NPHP4: variants seen among roughly 807,000 people sequenced by gnomAD.
The protein encoded by NPHP4 is nephrocystin 4, also known as nephrocystin-4.
NPHP4 carries 151 observed loss-of-function variants against 155.8 expected under a neutral mutation model. That is an observed-to-expected ratio of 0.97 (90% CI 0.85 to 1.11). The LOEUF is 1.11. NPHP4 is among the 50% of genes least tolerant of loss of function. NPHP4 has a pLI of 0.00. For synonymous variants in NPHP4, 845 were observed against 816.8 expected (o/e 1.03, Z -0.59); for missense variants, 1,956 against 1,925.7 (o/e 1.02, Z -0.29).
chr1:5,976,311 C>A (rs889808214), intron 3 of NPHP4, among the ~76,000 whole-genome samples: 1 of 152,154 alleles, frequency 6.6e-6, no homozygotes, highest in Non-Finnish European at 1.5e-5. Context: ...CATGAAATGA[C>A]GGCATGCTTC....
intron 11 of NPHP4, among the ~76,000 whole-genome samples, chr1:5,919,227 A>C (rs1012611380): frequency 5.3e-5 from 8 of 152,258 alleles, no homozygotes; most frequent in Non-Finnish European, 8.8e-5. Flanking sequence ...TTGTAGAAAC[A>C]GAAATCCCAA....
At position 5,982,524 on chromosome 1, in the gene NPHP4, C is replaced by T. The variant is rs559449070; in HGVS notation, c.135+3631G>A. On this transcript the variant is annotated intron_variant, in intron 2 of 29. Coordinates refer to ENST00000378156, the MANE Select transcript of NPHP4 (RefSeq NM_015102.5). ...GAATGTGTCGGCACTGTCAAGGAAC[C>T]ATGCATAACTGTATTTACCATTTCC... Among the ~76,000 whole-genome samples, 9 of 152,346 alleles carry T rather than the reference C, an allele frequency of 5.9e-5. No individual in the cohort carries two copies. In the South Asian group the frequency reaches 1.9e-3, roughly 32 times the overall value.
intron 11 of NPHP4, among the ~76,000 whole-genome samples, chr1:5,918,536 T>C (rs1223366889): frequency 6.6e-6 from 1 of 152,068 alleles, no homozygotes; most frequent in Non-Finnish European, 1.5e-5. Context: ...AAGAAAAAAT[T>C]AATAACTTAA....
chr1:5,875,154 A>G, intron 20 of NPHP4, 54 bp from the exon 21 acceptor site: 1 of 1,399,596 alleles, frequency 7.1e-7, no homozygotes, highest in South Asian at 1.2e-5. Flanking sequence ...CTCCTCCACA[A>G]GGGGCTATTG....
chr1:5,960,299 G>A (rs1266926199), intron 6 of NPHP4, among the ~76,000 whole-genome samples: 1 of 152,078 alleles, frequency 6.6e-6, no homozygotes, highest in Non-Finnish European at 1.5e-5. Flanking sequence ...CTCCTCCCTG[G>A]AATGCTGGAA....
chr1:5,960,671 G>A (rs1650146757), intron 6 of NPHP4, among the ~76,000 whole-genome samples: 1 of 151,914 alleles, frequency 6.6e-6, no homozygotes, highest in African/African-American at 2.4e-5. Flanking sequence ...CCTTCTCCTG[G>A]AGTCCTCAAG....
intron 1 of NPHP4, among the ~76,000 whole-genome samples, chr1:5,987,273 T>G (rs572467711): frequency 6.6e-6 from 1 of 152,076 alleles, no homozygotes; most frequent in Non-Finnish European, 1.5e-5. Context: ...GATCTGAACC[T>G]CAAGAAGAGG....
At chr1:5,965,053 C>T (rs987480285) in intron 5 of NPHP4, among the ~76,000 whole-genome samples, 3 of 149,956 alleles carry the variant, frequency 2.0e-5, no homozygotes, top group African/African-American at 7.4e-5. Context: ...CCACCTCAGC[C>T]TCCCAAGTAG....
At chr1:5,871,748 A>T (rs1036904028) in intron 23 of NPHP4, among the ~76,000 whole-genome samples, 6 of 152,208 alleles carry the variant, frequency 3.9e-5, no homozygotes, top group Non-Finnish European at 8.8e-5. Flanking sequence ...GAGCAACTCC[A>T]GAGGCGGAGC....
At chr1:5,943,682 C>T (rs1363156492) in intron 9 of NPHP4, among the ~76,000 whole-genome samples, 1 of 152,172 alleles carries the variant, frequency 6.6e-6, no homozygotes, top group Non-Finnish European at 1.5e-5. Flanking sequence ...AAGTCACTTT[C>T]CAGGGAAAAG....
intron 17 of NPHP4, chr1:5,888,270 T>G: frequency 1.5e-5 from 13 of 873,426 alleles, no homozygotes; most frequent in Non-Finnish European, 1.8e-5. Flanking sequence ...CTGTGAGGCA[T>G]GTGGGGGATG....
intron 17 of NPHP4, among the ~76,000 whole-genome samples, chr1:5,887,705 TGACTG>T (rs1162084192): frequency 2.0e-5 from 3 of 152,224 alleles, no homozygotes; most frequent in Admixed American, 2.0e-4. Flanking sequence ...AAGTAAAGTA[TGACTG>T]GATTTACCCA....
chr1:5,894,555 CAAT>C (rs1644301081), intron 16 of NPHP4, among the ~76,000 whole-genome samples: 1 of 150,888 alleles, frequency 6.6e-6, no homozygotes, highest in African/African-American at 2.4e-5. Context: ...TTTCTGGAAA[CAAT>C]AATAATAATG....
rs148579629 is a variant in NPHP4 at position 5,946,274 on chromosome 1, T to C, written c.1119+830A>G. ...CAGGATTTGGGTTTCTCAAAGAATC[T>C]ACATTAATATAAATGATGTCCACAT... On this transcript the variant is annotated intron_variant, in intron 9 of 29. Coordinates refer to ENST00000378156, the MANE Select transcript of NPHP4 (RefSeq NM_015102.5). Among the ~76,000 whole-genome samples, 284 of 152,326 alleles carry C rather than the reference T, an allele frequency of 1.9e-3. 7 individuals are homozygous for C. The East Asian group carries it at 0.051, about 27-fold the overall frequency.
chr1:5,975,379 G>C, intron 3 of NPHP4, among the ~76,000 whole-genome samples: 1 of 152,318 alleles, frequency 6.6e-6, no homozygotes, highest in African/African-American at 2.4e-5. Flanking sequence ...ACGGGGCATA[G>C]CAGCTGCAGA....
chr1:5,867,983 A>C lies in NPHP4; in HGVS notation c.3316-87T>G, dbSNP rs780173308. 2 of 1,432,852 alleles carry C rather than the reference A, an allele frequency of 1.4e-6. No individual in the cohort carries two copies. Among genetic ancestry groups the C allele is most frequent in the South Asian group, 2.3e-5 (2 of 85,608 alleles). The allele number at this position is 1,432,852 out of a possible 1,614,324, so 88.8% of individuals were successfully genotyped here. A position where few individuals can be genotyped will look rare whatever the true frequency, so the allele number is the denominator to read the frequency against. On this transcript the variant is annotated intron_variant, in intron 23 of 29. Coordinates refer to ENST00000378156, the MANE Select transcript of NPHP4 (RefSeq NM_015102.5). The surrounding 1 kb of genome is among the most constrained non-coding windows in gnomAD (Gnocchi z 4.1). ...CTCCTTAGACAGCACACGTATCTCCACTGTTGCCAAGACCCCCTCACCCTC... is the reference window on the plus strand; with the variant it reads ...CTCCTTAGACAGCACACGTATCTCCCCTGTTGCCAAGACCCCCTCACCCTC...
intron 17 of NPHP4, chr1:5,888,673 C>A: frequency 1.6e-6 from 2 of 1,223,614 alleles, no homozygotes; most frequent in Non-Finnish European, 2.2e-6. Flanking sequence ...CAAGGAAATG[C>A]GAATGAAAAC....
chr1:5,911,197 G>A (rs377598110), intron 11 of NPHP4, among the ~76,000 whole-genome samples: 2 of 152,150 alleles, frequency 1.3e-5, no homozygotes, highest in Admixed American at 6.5e-5. Context: ...CCTCAAAGCC[G>A]ATGCCTCTCC....
chr1:5,909,925 G>A (rs934027204), intron 11 of NPHP4, among the ~76,000 whole-genome samples: 2 of 152,146 alleles, frequency 1.3e-5, no homozygotes, highest in Non-Finnish European at 2.9e-5. Context: ...TGGCATTTGT[G>A]CTGCTTCTGC....
Sources: gnomAD v4.1 joint callset for allele counts (sites outside exome capture counted in the v4.1 genomes callset) on GRCh38, gnomAD v4.1.1 for gene constraint, Gnocchi (gnomAD v3.1) non-coding constraint, MANE v1.5 for transcripts, NCBI Gene and HGNC (gene_info 2026-07-23, HGNC 2026-07-21) for gene names.